Variants in MFHAS1 observed in about 807,000 individuals in gnomAD.
MFHAS1 encodes multifunctional ROCO family signaling regulator 1.
MFHAS1 carries 50 observed loss-of-function variants against 70.4 expected under a neutral mutation model. The observed-to-expected ratio is 0.71, with a 90% CI of 0.57 to 0.90. The LOEUF (loss-of-function observed/expected upper bound fraction) is 0.90. Ranked by LOEUF, MFHAS1 falls within the 40% of genes least tolerant of loss-of-function variation. MFHAS1 has a pLI of 0.00. For synonymous variants in MFHAS1, 952 were observed against 620.0 expected (o/e 1.54, Z -7.96); for missense variants, 1,795 against 1,347.6 (o/e 1.33, Z -5.20).
intron 1 of MFHAS1, among the ~76,000 whole-genome samples, chr8:8,842,316 G>C (rs545823046): frequency 1.3e-5 from 2 of 152,184 alleles, no homozygotes; most frequent in Admixed American, 1.3e-4. Context: ...CTCCTGAGTA[G>C]CTAGGATTAC....
intron 1 of MFHAS1, among the ~76,000 whole-genome samples, chr8:8,813,491 T>C (rs925569231): frequency 6.6e-6 from 1 of 152,144 alleles, no homozygotes; most frequent in Non-Finnish European, 1.5e-5. Context: ...GATGTGGAGG[T>C]AGAAGACAGT....
intron 1 of MFHAS1, among the ~76,000 whole-genome samples, chr8:8,809,320 C>T (rs183401056): frequency 2.2e-4 from 33 of 152,198 alleles, no homozygotes; most frequent in Non-Finnish European, 4.3e-4. Flanking sequence ...TCTGTGGTGC[C>T]GAACAAGGTT....
intron 1 of MFHAS1, among the ~76,000 whole-genome samples, chr8:8,856,519 G>C (rs570791825): frequency 3.3e-5 from 5 of 152,284 alleles, no homozygotes; most frequent in African/African-American, 7.2e-5. Context: ...TATCAGGTGA[G>C]GCTTTGGGAT....
chr8:8,849,226 G>A (rs573687203), intron 1 of MFHAS1, among the ~76,000 whole-genome samples: 6 of 151,924 alleles, frequency 3.9e-5, no homozygotes, highest in South Asian at 4.2e-4. Flanking sequence ...GACTACAGGC[G>A]TGAGCCACCA....
intron 1 of MFHAS1, among the ~76,000 whole-genome samples, chr8:8,883,859 G>A (rs1164657775): frequency 6.6e-6 from 1 of 151,856 alleles, no homozygotes; most frequent in African/African-American, 2.4e-5. Flanking sequence ...CCTCTTCACG[G>A]ACAAAGGGGA....
intron 1 of MFHAS1, among the ~76,000 whole-genome samples, chr8:8,854,449 A>G (rs529434733): frequency 1.3e-5 from 2 of 151,970 alleles, no homozygotes; most frequent in South Asian, 4.1e-4. Flanking sequence ...TGAACCCGGG[A>G]GGCCGTACTT....
At chr8:8,843,201 G>A (rs1189052961) in intron 1 of MFHAS1, among the ~76,000 whole-genome samples, 1 of 150,836 alleles carries the variant, frequency 6.6e-6, no homozygotes, top group African/African-American at 2.5e-5. Flanking sequence ...CCCCGGAAGC[G>A]GAGCTTGCAG....
intron 1 of MFHAS1, among the ~76,000 whole-genome samples, chr8:8,821,578 T>C (rs1410955564): frequency 6.6e-6 from 1 of 151,936 alleles, no homozygotes; most frequent in African/African-American, 2.4e-5. Flanking sequence ...TCTTAAAAGG[T>C]GGGGGGTGCT....
intron 1 of MFHAS1, among the ~76,000 whole-genome samples, chr8:8,884,309 G>A (rs568384963): frequency 6.6e-6 from 1 of 152,034 alleles, no homozygotes; most frequent in Non-Finnish European, 1.5e-5. Flanking sequence ...CAAAGTCCCA[G>A]GGAGTTCAGA....
At chr8:8,876,492 T>C (rs1809297442) in intron 1 of MFHAS1, among the ~76,000 whole-genome samples, 1 of 152,052 alleles carries the variant, frequency 6.6e-6, no homozygotes, top group Admixed American at 6.5e-5. Context: ...CCCAGCACTT[T>C]GGGAGGATGA....
chr8:8,890,458 C>G lies in MFHAS1; in HGVS notation c.2601G>C (p.Gly867=). Residue 867 remains glycine (G), a synonymous_variant, in exon 1 of 3, where the codon GGG becomes GGC. Coordinates refer to ENST00000276282, the MANE Select transcript of MFHAS1 (RefSeq NM_004225.3). ...CAAAAGACTGCCCAGCTAGGTTGGT[C>G]CCATTAATCCAGGCTTCTGCATGGG... The part of the protein sequence containing the change: ...EVPHAEAWIN[G]TNLAGQSFVA... The G allele has an allele frequency of 6.2e-7, 1 of 1,613,906 alleles. No homozygotes were observed. Among genetic ancestry groups the G allele is most frequent in the Non-Finnish European group, 8.5e-7 (1 of 1,180,040 alleles).
At chr8:8,796,726 T>G (rs1329203727) in intron 2 of MFHAS1, among the ~76,000 whole-genome samples, 2 of 114,286 alleles carry the variant, frequency 1.7e-5, no homozygotes, top group African/African-American at 6.6e-5. Flanking sequence ...CCGGACGTGG[T>G]GGCTCACGCC....
chr8:8,877,158 G>C (rs1809327802), intron 1 of MFHAS1, among the ~76,000 whole-genome samples: 1 of 151,664 alleles, frequency 6.6e-6, no homozygotes, highest in African/African-American at 2.4e-5. Flanking sequence ...AAACTAACTG[G>C]GCATGGTGGC....
intron 1 of MFHAS1, among the ~76,000 whole-genome samples, chr8:8,807,019 G>A (rs948404900): frequency 5.9e-5 from 9 of 152,070 alleles, no homozygotes; most frequent in African/African-American, 1.9e-4. Context: ...CTTCAATGAG[G>A]TGGTTTTATG....
At chr8:8,806,426 A>T (rs983027305) in intron 1 of MFHAS1, among the ~76,000 whole-genome samples, 2 of 152,170 alleles carry the variant, frequency 1.3e-5, no homozygotes, top group African/African-American at 4.8e-5. Context: ...TATTTGGAGA[A>T]ATTTCCCCAG....
intron 1 of MFHAS1, among the ~76,000 whole-genome samples, chr8:8,822,848 A>G (rs1807017664): frequency 6.6e-6 from 1 of 152,120 alleles, no homozygotes; most frequent in African/African-American, 2.4e-5. Flanking sequence ...GACAGGAACC[A>G]AGTCAGGGGG....
At chr8:8,863,820 A>G (rs1379520689) in intron 1 of MFHAS1, among the ~76,000 whole-genome samples, 1 of 152,128 alleles carries the variant, frequency 6.6e-6, no homozygotes, top group Non-Finnish European at 1.5e-5. Flanking sequence ...CCCTGTCTTA[A>G]AACTTAAGAA....
At chr8:8,796,891 G>C (rs891929486) in intron 2 of MFHAS1, among the ~76,000 whole-genome samples, 3 of 151,072 alleles carry the variant, frequency 2.0e-5, no homozygotes, top group Non-Finnish European at 4.4e-5. Context: ...AGCTACTCGG[G>C]AGGCTGAGGC....
At chr8:8,799,812 G>A (rs1174468656) in intron 1 of MFHAS1, among the ~76,000 whole-genome samples, 1 of 152,302 alleles carries the variant, frequency 6.6e-6, no homozygotes, top group Non-Finnish European at 1.5e-5. Flanking sequence ...CCCCGCAAAG[G>A]CCACACTGAT....
Sources: gnomAD v4.1 joint callset for allele counts (sites outside exome capture counted in the v4.1 genomes callset) on GRCh38, gnomAD v4.1.1 for gene constraint, MANE v1.5 for transcripts, NCBI Gene and HGNC (gene_info 2026-07-23, HGNC 2026-07-21) for gene names.